NEK1: variants seen among roughly 807,000 people sequenced by gnomAD.
The protein encoded by NEK1 is NIMA related kinase 1.
A neutral mutation model predicts 182.1 loss-of-function variants in NEK1; 137 were observed. The observed-to-expected ratio is 0.75, with a 90% CI of 0.65 to 0.87. The LOEUF is 0.87. Among genes scored for constraint, NEK1 ranks in the 40% least tolerant of loss-of-function variants. The probability of loss-of-function intolerance (pLI) is 0.00; values close to 1 mark genes in which losing one functional copy is unlikely to be tolerated. For missense variants in NEK1, 1,391 were observed against 1,494.4 expected, an observed-to-expected ratio of 0.93 and a Z score of 1.14; for synonymous variants, 513 against 492.2, an observed-to-expected ratio of 1.04 and a Z score of -0.56.
intron 12 of NEK1, among the ~76,000 whole-genome samples, chr4:169,568,106 C>A (rs984913801): frequency 6.6e-6 from 1 of 152,198 alleles, no homozygotes; most frequent in Non-Finnish European, 1.5e-5. Flanking sequence ...CAGTTCTGAT[C>A]TCTCCATTCA....
chr4:169,567,136 T>C (rs902397483), intron 12 of NEK1, among the ~76,000 whole-genome samples: 6 of 152,168 alleles, frequency 3.9e-5, no homozygotes, highest in East Asian at 1.9e-4. Context: ...TTTACAATCA[T>C]GCAAAAATCA....
chr4:169,513,877 T>G lies in NEK1; in HGVS notation c.1666-5025A>C, dbSNP rs138330016. ...TTGATATGGTGAATCACATTGATTT[T>G]TTAATACTGTAAAATACTTGTACAT... On this transcript the variant is annotated intron_variant, in intron 19 of 35. Transcript: ENST00000507142. Among the ~76,000 whole-genome samples, 770 of 152,320 alleles carry G rather than the reference T, an allele frequency of 5.1e-3. 9 individuals carry two copies. Among genetic ancestry groups the G allele is most frequent in the South Asian group, 0.039 (189 of 4,824 alleles).
intron 33 of NEK1, among the ~76,000 whole-genome samples, chr4:169,401,053 G>A (rs1262814533): frequency 6.6e-6 from 1 of 152,078 alleles, no homozygotes; most frequent in Non-Finnish European, 1.5e-5. Flanking sequence ...GACAACCTAA[G>A]ACATACATCA....
At chr4:169,513,821 T>C (rs1754601122) in intron 19 of NEK1, among the ~76,000 whole-genome samples, 1 of 152,154 alleles carries the variant, frequency 6.6e-6, no homozygotes, top group South Asian at 2.1e-4. Context: ...TATCAATTGA[T>C]GTAATCATAT....
chr4:169,394,337 A>C lies in NEK1; in HGVS notation c.*173T>G. 2.0e-6 allele frequency: 1 copy of C among 512,352 alleles called. No homozygotes were observed. The highest frequency in any genetic ancestry group is 3.5e-6 in the Non-Finnish European group (1 of 285,180). The allele number at this position is 512,352 out of a possible 1,614,324, so 31.7% of individuals were successfully genotyped here. On this transcript the variant is annotated 3_prime_UTR_variant, in exon 36 of 36. Coordinates refer to ENST00000507142, the MANE Select transcript of NEK1 (RefSeq NM_001199397.3). ...ATGAACAAAATAGATAAAATATTAG[A>C]ATCTTCACTGAAAAATGGCATGTTT... is the stretch of plus-strand genomic sequence containing the variant.
At chr4:169,514,226 G>A (rs375747485) in intron 19 of NEK1, among the ~76,000 whole-genome samples, 3 of 152,196 alleles carry the variant, frequency 2.0e-5, no homozygotes, top group South Asian at 4.1e-4. Flanking sequence ...GACCTCAGGT[G>A]ATCCACCTGC....
At chr4:169,609,640 GC>G (rs1771980997) in intron 2 of NEK1, among the ~76,000 whole-genome samples, 1 of 151,904 alleles carries the variant, frequency 6.6e-6, no homozygotes, top group Non-Finnish European at 1.5e-5. Flanking sequence ...TGCACCCCTG[GC>G]TTGTATTAAA....
At position 169,394,436 on chromosome 4, in the gene NEK1, A is replaced by T; in HGVS notation, c.*74T>A. ...TAAATAAATAATTGCTGTATTTCCC[A>T]CTGAAGCTTGTTATTCTGATAAGCC... is the stretch of plus-strand genomic sequence containing the variant. On this transcript the variant is annotated 3_prime_UTR_variant, in exon 36 of 36. Transcript: ENST00000507142. 1.1e-6 allele frequency: 1 copy of T among 921,652 alleles called. No homozygotes were observed. The highest frequency in any genetic ancestry group is 1.7e-6 in the Non-Finnish European group (1 of 589,200). The allele number at this position is 921,652 out of a possible 1,614,324, so 57.1% of individuals were successfully genotyped here. A position where few individuals can be genotyped will look rare whatever the true frequency, so the allele number is the denominator to read the frequency against.
At chr4:169,533,057 A>G (rs1757928873) in intron 19 of NEK1, among the ~76,000 whole-genome samples, 1 of 152,240 alleles carries the variant, frequency 6.6e-6, no homozygotes, top group South Asian at 2.1e-4. Flanking sequence ...GGAGTATAGT[A>G]GGCAGAATTC....
intron 23 of NEK1, among the ~76,000 whole-genome samples, chr4:169,486,996 A>G (rs1340084664): frequency 6.6e-6 from 1 of 152,210 alleles, no homozygotes; most frequent in Admixed American, 6.6e-5. Context: ...CTAACACTAT[A>G]TTACTTGGCC....
chr4:169,600,407 G>A (rs985935334), intron 4 of NEK1, among the ~76,000 whole-genome samples: 7 of 151,208 alleles, frequency 4.6e-5, no homozygotes, highest in African/African-American at 1.2e-4. Context: ...ATGTTTCCCA[G>A]GCTGATCTCA....
chr4:169,537,719 G>A, intron 19 of NEK1, 90 bp downstream of exon 19: 2 of 958,426 alleles, frequency 2.1e-6, no homozygotes, highest in Admixed American at 1.7e-5. Context: ...TTGTTAGACT[G>A]TCATTCTTTT....
intron 29 of NEK1, among the ~76,000 whole-genome samples, chr4:169,431,667 G>A (rs890243499): frequency 1.3e-5 from 2 of 151,916 alleles, no homozygotes; most frequent in Non-Finnish European, 2.9e-5. Flanking sequence ...ACAGTCTCAT[G>A]TCAGTAATCC....
chr4:169,448,438 C>CATA (rs1741012130), intron 27 of NEK1, among the ~76,000 whole-genome samples: 1 of 151,780 alleles, frequency 6.6e-6, no homozygotes, highest in African/African-American at 2.4e-5. Context: ...AATAAAAAAT[C>CATA]ATACAACAGA....
chr4:169,515,757 G>T (rs1755128549), intron 19 of NEK1, among the ~76,000 whole-genome samples: 2 of 60,062 alleles, frequency 3.3e-5, no homozygotes, highest in East Asian at 4.5e-4. Context: ...GCGGTGTTTG[G>T]TTTTTTGTTC....
chr4:169,474,453 G>A (rs1421886142), intron 26 of NEK1, among the ~76,000 whole-genome samples: 1 of 151,956 alleles, frequency 6.6e-6, no homozygotes, highest in Non-Finnish European at 1.5e-5. Context: ...GTTCTGCTTC[G>A]CAGTTCAGCT....
chr4:169,577,059 G>C lies in NEK1; in HGVS notation c.889C>G (p.Gln297Glu). ...GCAGGCATAACAGAAATCGAGTTTTGTCCTGAAGCTGGTCTTTTAGCTAGA... is the reference window on the plus strand; with the variant it reads ...GCAGGCATAACAGAAATCGAGTTTTCTCCTGAAGCTGGTCTTTTAGCTAGA... The part of the protein sequence containing the change: ...PIPAKRPASG[Q>E]NSISVMPAQK... The change falls in exon 12 of 36, where the codon CAA (glutamine) becomes GAA (glutamate). Residue 297 changes from glutamine (Q) to glutamate (E), a missense_variant. Transcript: ENST00000507142. The C allele has an allele frequency of 6.2e-7, 1 of 1,613,256 alleles. No homozygotes were observed. Among genetic ancestry groups the C allele is most frequent in the Non-Finnish European group, 8.5e-7 (1 of 1,179,542 alleles).
intron 19 of NEK1, among the ~76,000 whole-genome samples, chr4:169,524,456 C>A (rs1580455701): frequency 4.3e-5 from 5 of 116,296 alleles, no homozygotes; most frequent in African/African-American, 1.1e-4. Flanking sequence ...AGCGAAATTC[C>A]ATCTCAAAAA....
At chr4:169,566,655 G>C (rs139560917) in intron 12 of NEK1, among the ~76,000 whole-genome samples, 1 of 152,158 alleles carries the variant, frequency 6.6e-6, no homozygotes, top group African/African-American at 2.4e-5. Flanking sequence ...GCTTAAATTT[G>C]TGCAATTAAA....
Sources: allele counts gnomAD v4.1 joint callset (sites outside exome capture counted in the v4.1 genomes callset), GRCh38; gene constraint gnomAD v4.1.1; transcripts MANE v1.5; gene names NCBI Gene and HGNC (gene_info 2026-07-23, HGNC 2026-07-21).